SYT12: variants seen among roughly 807,000 people sequenced by gnomAD.
The protein encoded by SYT12 is synaptotagmin-12.
A neutral mutation model predicts 39.5 loss-of-function variants in SYT12; 27 were observed. That is an observed-to-expected ratio of 0.68 (90% CI 0.50 to 0.94). The LOEUF (loss-of-function observed/expected upper bound fraction) is 0.94. SYT12 is among the 40% of genes least tolerant of loss of function. SYT12 has a pLI of 0.00. For synonymous variants in SYT12, 233 were observed against 239.7 expected (o/e 0.97, Z 0.26); for missense variants, 536 against 572.6 (o/e 0.94, Z 0.65).
chr11:67,039,501 C>T (rs1344021524), intron 3 of SYT12, among the ~76,000 whole-genome samples: 6 of 150,868 alleles, frequency 4.0e-5, no homozygotes, highest in Admixed American at 4.0e-4. Context: ...GTAATCCCAG[C>T]TACTCAGGAG....
intron 1 of SYT12, among the ~76,000 whole-genome samples, chr11:67,024,532 G>C (rs927955168): frequency 3.9e-5 from 6 of 152,186 alleles, no homozygotes; most frequent in African/African-American, 7.2e-5. Context: ...TAGGCTGGCA[G>C]CGCTGCCCAC....
chr11:67,013,322 C>T lies in SYT12; in HGVS notation c.-69+2328C>T, dbSNP rs1014952004. Among the ~76,000 whole-genome samples the T allele has an allele frequency of 3.9e-5, 6 of 152,350 alleles. No individual in the cohort carries two copies. In the South Asian group the frequency reaches 1.0e-3, roughly 26 times the overall value. ...GCCCTGGCCATGCAAGCTCTTGTGTCTGCCGAGCTGATACCTGCCTCCCTG... is the reference window on the plus strand; with the variant it reads ...GCCCTGGCCATGCAAGCTCTTGTGTTTGCCGAGCTGATACCTGCCTCCCTG... On this transcript the variant is annotated intron_variant, in intron 3 of 10. Coordinates refer to the SYT12 transcript ENST00000393946.
chr11:67,025,573 A>G (rs887705585), intron 1 of SYT12, among the ~76,000 whole-genome samples: 6 of 152,096 alleles, frequency 3.9e-5, no homozygotes, highest in African/African-American at 1.4e-4. Flanking sequence ...TCTTCTAGCC[A>G]AAGACACAGT....
At chr11:67,048,128 G>C (rs796513048) in intron 7 of SYT12, among the ~76,000 whole-genome samples, 1 of 151,168 alleles carries the variant, frequency 6.6e-6, no homozygotes, top group South Asian at 2.1e-4. Flanking sequence ...AAAATTAGCC[G>C]GGCATGGTGG....
intron 1 of SYT12, among the ~76,000 whole-genome samples, chr11:67,024,725 T>C (rs1382029711): frequency 6.6e-6 from 1 of 152,132 alleles, no homozygotes; most frequent in East Asian, 1.9e-4. Flanking sequence ...CAGGATGTGG[T>C]TATCTCAGAA....
In SYT12 at chr11:67,040,189, G is replaced by C; in HGVS notation, c.607G>C (p.Val203Leu). ...CAGCCTGCTGCCGGACGAGCAGATC[G>C]TGGGCATTTCTCGGGTAAGTGGGGC... is the stretch of plus-strand genomic sequence containing the variant. ...RVSLLPDEQI[V>L]GISRIQRNAY... is the part of the protein sequence containing the mutation. Residue 203 changes from valine (V) to leucine (L), a missense_variant, in exon 4 of 8, where the codon GTG (valine) becomes CTG (leucine). Transcript: ENST00000527043. The C allele has an allele frequency of 6.3e-7, 1 of 1,577,496 alleles. No individual in the cohort carries two copies. Among genetic ancestry groups the C allele is most frequent in the Non-Finnish European group, 8.6e-7 (1 of 1,158,378 alleles).
chr11:67,023,662 C>A (rs1437241908), intron 1 of SYT12, among the ~76,000 whole-genome samples: 1 of 152,208 alleles, frequency 6.6e-6, no homozygotes, highest in Non-Finnish European at 1.5e-5. Flanking sequence ...CCGGCCACTC[C>A]GCGCAGTGCG....
chr11:67,029,807 G>A (rs775813241), intron 1 of SYT12: 49 of 225,356 alleles, frequency 2.2e-4, no homozygotes, highest in South Asian at 4.0e-4. Flanking sequence ...AGCCGAGATC[G>A]CGCCACTGCA....
chr11:67,033,062 G>T (rs1407486525), intron 2 of SYT12, among the ~76,000 whole-genome samples: 1 of 152,176 alleles, frequency 6.6e-6, no homozygotes, highest in Non-Finnish European at 1.5e-5. Context: ...GGCTAGAGGG[G>T]CTGCCCCACT....
Position 67,044,580 on chromosome 11 carries a change from G to A in SYT12, c.838-13G>A, listed in dbSNP as rs752163099. ...TGGGGAGAAGCCCTCTGAGCCACCT[G>A]TCTGTCCCCCAGGCCGCCGATGCTG... On this transcript the variant is annotated splice_polypyrimidine_tract_variant and intron_variant, in intron 5 of 7. Coordinates refer to ENST00000527043, the MANE Select transcript of SYT12 (RefSeq NM_177963.4). The A allele has an allele frequency of 5.0e-6, 8 of 1,611,258 alleles. No homozygotes were observed. Among genetic ancestry groups the A allele is most frequent in the Non-Finnish European group, 6.8e-6 (8 of 1,178,974 alleles).
chr11:67,012,951 T>TG (rs11451963), intron 3 of SYT12, among the ~76,000 whole-genome samples: 2,078 of 151,694 alleles, frequency 0.014, 44 homozygotes, highest in African/African-American at 0.047. Context: ...TTTTGAAACC[T>TG]GGGGGGGGTC....
chr11:67,025,615 C>T (rs1950170849), intron 1 of SYT12, among the ~76,000 whole-genome samples: 1 of 152,010 alleles, frequency 6.6e-6, no homozygotes, highest in South Asian at 2.1e-4. Flanking sequence ...AGGCTGCCAG[C>T]GGGAGCCCAC....
At chr11:67,035,800 TC>T (rs1950358457) in intron 3 of SYT12, among the ~76,000 whole-genome samples, 6 of 53,990 alleles carry the variant, frequency 1.1e-4, no homozygotes, top group African/African-American at 3.8e-4. Context: ...TTTCCTTCCT[TC>T]CTTCCTTCCT....
At chr11:67,014,677 G>A (rs1950039584) in intron 3 of SYT12, among the ~76,000 whole-genome samples, 1 of 152,174 alleles carries the variant, frequency 6.6e-6, no homozygotes, top group Non-Finnish European at 1.5e-5. Context: ...GGTGGGGGTA[G>A]CAGGCAGGCC....
chr11:67,044,245 C>T (rs764115986), intron 5 of SYT12, among the ~76,000 whole-genome samples: 10 of 152,234 alleles, frequency 6.6e-5, no homozygotes, highest in Non-Finnish European at 1.0e-4. Flanking sequence ...CCATTCCACT[C>T]TGATCGCTGT....
chr11:67,008,323 T>C (rs1159354462), intron 1 of SYT12, among the ~76,000 whole-genome samples: 1 of 152,184 alleles, frequency 6.6e-6, no homozygotes, highest in African/African-American at 2.4e-5. Flanking sequence ...ATCAACTCTT[T>C]ACTATTACTT....
In SYT12 at chr11:67,040,058, G is replaced by A. The variant is rs767436805; in HGVS notation, c.476G>A (p.Ser159Asn). 2 of 1,613,896 alleles carry A rather than the reference G, an allele frequency of 1.2e-6. No individual in the cohort carries two copies. The highest frequency in any genetic ancestry group is 1.7e-6 in the Non-Finnish European group (2 of 1,180,046). The change falls in exon 4 of 8, where the codon AGC (serine) becomes AAC (asparagine). Residue 159 changes from serine to asparagine, a missense_variant. Physicochemically the swap from Ser to Asn is conservative, Grantham distance 46 (BLOSUM62 1). Transcript: ENST00000527043. ...QDFTLGQVEV[S>N]MEYDTASHTL... Reference sequence around the variant, plus strand: ...TTCACACTGGGCCAGGTGGAGGTGAGCATGGAGTACGACACTGCCTCCCAC... The same window carrying A: ...TTCACACTGGGCCAGGTGGAGGTGAACATGGAGTACGACACTGCCTCCCAC...
intron 1 of SYT12, 41 bp from the exon 2 acceptor site, chr11:67,030,081 C>G: frequency 6.3e-7 from 1 of 1,595,742 alleles, no homozygotes; most frequent in Admixed American, 1.7e-5. Context: ...GGGACGCTGA[C>G]TCTCTGCAGC....
chr11:67,007,615 A>G (rs1471330096), intron 1 of SYT12, among the ~76,000 whole-genome samples: 1 of 151,926 alleles, frequency 6.6e-6, no homozygotes, highest in Non-Finnish European at 1.5e-5. Flanking sequence ...CCCGGGCTGG[A>G]GTGCAACAGG....
Sources: gnomAD v4.1 joint callset for allele counts (sites outside exome capture counted in the v4.1 genomes callset) on GRCh38, gnomAD v4.1.1 for gene constraint, MANE v1.5 for transcripts, NCBI Gene and HGNC (gene_info 2026-07-23, HGNC 2026-07-21) for gene names.